The following IRF8 variants were observed in gnomAD, a reference collection of about 807,000 sequenced individuals.
The protein encoded by IRF8 is interferon consensus sequence binding protein 1.
In IRF8, 14 loss-of-function variants were observed where a neutral mutation model predicts 48.7. The observed-to-expected ratio is 0.29, with a 90% CI of 0.19 to 0.45. IRF8 has a LOEUF of 0.45. IRF8 is among the 20% of genes least tolerant of loss of function. IRF8 has a pLI of 1.00. For missense variants in IRF8, 493 were observed against 580.7 expected, an observed-to-expected ratio of 0.85 and a Z score of 1.55; for synonymous variants, 278 against 227.3, an observed-to-expected ratio of 1.22 and a Z score of -2.01.
At chr16:85,906,582 G>A (rs563625351) in intron 2 of IRF8, among the ~76,000 whole-genome samples, 59 of 152,362 alleles carry the variant, frequency 3.9e-4, no homozygotes, top group African/African-American at 1.4e-3. Context: ...GGACTTGCTC[G>A]TGGGGTGAGT....
intron 1 of IRF8, chr16:85,902,648 T>C (rs1396097297): frequency 3.1e-6 from 1 of 325,264 alleles, no homozygotes; most frequent in African/African-American, 2.1e-5. Flanking sequence ...GCTGTAAAAG[T>C]GATTCCCCCT....
Position 85,916,129 on chromosome 16 carries a change from T to G in IRF8, c.601+1609T>G, listed in dbSNP as rs114550488. 4.6e-3 allele frequency among the ~76,000 whole-genome samples: 696 copies of G among 151,756 alleles called. 4 individuals are homozygous for G. The highest frequency in any genetic ancestry group is 0.016 in the African/African-American group (661 of 41,312). On this transcript the variant is annotated intron_variant, in intron 6 of 8. Coordinates refer to ENST00000268638, the MANE Select transcript of IRF8 (RefSeq NM_002163.4). ...ATAAGCATTTGTCCTGTTACCCAGTTTCTTTAACTGGTGCTTACCTGTGCC... is the reference window on the plus strand; with the variant it reads ...ATAAGCATTTGTCCTGTTACCCAGTGTCTTTAACTGGTGCTTACCTGTGCC...
At chr16:85,914,407 A>T in intron 5 of IRF8, 66 bp from the exon 6 acceptor site, 1 of 1,594,020 alleles carries the variant, frequency 6.3e-7, no homozygotes. Flanking sequence ...AGAAGGAGCG[A>T]TTGGGGTTAC....
rs748716740 is a variant in IRF8 at position 85,911,608 on chromosome 16, G to A, written c.397G>A (p.Val133Ile). The A allele has an allele frequency of 2.5e-6, 4 of 1,614,164 alleles. No homozygotes were observed. The highest frequency in any genetic ancestry group is 3.4e-6 in the Non-Finnish European group (4 of 1,179,996). ...GVATAGCVNE[V>I]TEMECGRSEI... ...GGCAACTGCTGGCTGCGTGAATGAA[G>A]TTACAGAGATGGAGTGCGGTCGCTC... Residue 133 changes from valine (V) to isoleucine (I), a missense_variant, in exon 4 of 9, where the codon GTT becomes ATT. By Grantham distance (29) the Val-to-Ile change is conservative (BLOSUM62 3). This residue lies in a region of IRF8 where 408 missense variants were observed against 449.6 expected (regional missense o/e 0.91). Coordinates refer to ENST00000268638, the MANE Select transcript of IRF8 (RefSeq NM_002163.4).
rs1905567300 is a variant in IRF8 at position 85,921,461 on chromosome 16, GC to G, written c.*182del. 1 of 695,598 alleles carries G rather than the reference GC, an allele frequency of 1.4e-6. No individual in the cohort carries two copies. Among genetic ancestry groups the G allele is most frequent in the Admixed American group, 2.2e-5 (1 of 44,554 alleles). The allele number at this position is 695,598 out of a possible 1,614,324, so 43.1% of individuals were successfully genotyped here. On this transcript the variant is annotated 3_prime_UTR_variant, in exon 9 of 9. Coordinates refer to ENST00000268638, the MANE Select transcript of IRF8 (RefSeq NM_002163.4). ...ACGTTTAATACGAAGTGGCGGCATA[GC>G]CCTGCCGAGATGTCGGTGATGGCCT...
intron 2 of IRF8, among the ~76,000 whole-genome samples, chr16:85,906,934 G>T (rs897408975): frequency 6.6e-6 from 1 of 152,158 alleles, no homozygotes; most frequent in African/African-American, 2.4e-5. Context: ...TTGCCACGGT[G>T]GGGAAACCCT....
At position 85,918,583 on chromosome 16, in the gene IRF8, C is replaced by T. The variant is rs764103061; in HGVS notation, c.768C>T (p.Asp256=). The part of the protein sequence containing the change: ...GLELVRFPPA[D]AIPSERQRQV... ...AGCTGGTGCGCTTCCCGCCGGCCGA[C>T]GCCATCCCCAGCGAGCGACAGAGGC... is the stretch of plus-strand genomic sequence containing the variant. Residue 256 remains aspartate (D), a synonymous_variant, in exon 7 of 9, where the codon GAC becomes GAT. Transcript: ENST00000268638. 7.5e-6 allele frequency: 12 copies of T among 1,605,984 alleles called. No individual in the cohort carries two copies. The highest frequency in any genetic ancestry group is 6.7e-5 in the East Asian group (3 of 44,882).
rs780856170 is a variant in IRF8, at chr16:85,911,592, T to A, written c.381T>A (p.Ala127=). The A allele has an allele frequency of 9.3e-6, 15 of 1,614,020 alleles. No individual in the cohort carries two copies. Among genetic ancestry groups the A allele is most frequent in the Non-Finnish European group, 1.3e-5 (15 of 1,179,980 alleles). Residue 127 remains alanine, a synonymous_variant, in exon 4 of 9, where the codon GCT becomes GCA. Coordinates refer to ENST00000268638, the MANE Select transcript of IRF8 (RefSeq NM_002163.4). ...EQKCKLGVAT[A]GCVNEVTEME... ...TAGGCAAACTAGGCGTGGCAACTGC[T>A]GGCTGCGTGAATGAAGTTACAGAGA...
At position 85,909,445 on chromosome 16, in the gene IRF8, C is replaced by G. The variant is rs1905085566; in HGVS notation, c.358+272C>G. 2.3e-5 allele frequency: 11 copies of G among 476,114 alleles called. No individual in the cohort carries two copies. The South Asian group carries it at 2.4e-4, about 10-fold the overall frequency. The allele number at this position is 476,114 out of a possible 1,614,324, so 29.5% of individuals were successfully genotyped here. A position where few individuals can be genotyped will look rare whatever the true frequency, so the allele number is the denominator to read the frequency against. ...GCCTCCCTGGACAGGAACAAGCATC[C>G]TCCAGCAGTTTCTGATGAGGAATCC... On this transcript the variant is annotated intron_variant, in intron 3 of 8. Coordinates refer to ENST00000268638, the MANE Select transcript of IRF8 (RefSeq NM_002163.4).
intron 4 of IRF8, among the ~76,000 whole-genome samples, chr16:85,912,546 A>AT (rs1442659827): frequency 6.6e-6 from 1 of 152,252 alleles, no homozygotes; most frequent in African/African-American, 2.4e-5. Flanking sequence ...GACTGAGTGA[A>AT]TTCTTGGCTT....
rs371942842 is a variant in IRF8 at position 85,909,147 on chromosome 16, G to A, written c.332G>A (p.Arg111Gln). The A allele has an allele frequency of 5.0e-6, 8 of 1,614,082 alleles. No individual in the cohort carries two copies. The highest frequency in any genetic ancestry group is 6.8e-6 in the Non-Finnish European group (8 of 1,180,044). Residue 111 changes from arginine to glutamine, a missense_variant, in exon 3 of 9, where the codon CGA becomes CAA. Transcript: ENST00000268638. ...LDISEPYKVY[R>Q]IVPEEEQKCK... is the part of the protein sequence containing the mutation. ...ATTTCCGAGCCATACAAAGTTTACCGAATTGTTCCTGAGGAAGAGCAAAAA... is the reference window on the plus strand; with the variant it reads ...ATTTCCGAGCCATACAAAGTTTACCAAATTGTTCCTGAGGAAGAGCAAAAA...
At chr16:85,917,959 A>G (rs1182783222) in intron 6 of IRF8, among the ~76,000 whole-genome samples, 1 of 152,170 alleles carries the variant, frequency 6.6e-6, no homozygotes, top group Non-Finnish European at 1.5e-5. Flanking sequence ...GAAAAAGATT[A>G]TGTCTTTATT....
intron 2 of IRF8, among the ~76,000 whole-genome samples, chr16:85,906,713 T>A (rs1344486972): frequency 6.6e-6 from 1 of 152,242 alleles, no homozygotes; most frequent in Non-Finnish European, 1.5e-5. Flanking sequence ...GTTTGGGATG[T>A]GGGTTAACTC....
intron 4 of IRF8, among the ~76,000 whole-genome samples, chr16:85,912,512 G>A (rs1905175025): frequency 6.6e-6 from 1 of 152,236 alleles, no homozygotes; most frequent in African/African-American, 2.4e-5. Context: ...CAGCTGCCAA[G>A]TGTCTGGGTG....
chr16:85,908,972 T>C lies in IRF8; in HGVS notation c.175-18T>C, dbSNP rs750150305. The C allele has an allele frequency of 6.2e-7, 1 of 1,611,384 alleles. No individual in the cohort carries two copies. Among genetic ancestry groups the C allele is most frequent in the Non-Finnish European group, 8.5e-7 (1 of 1,177,504 alleles). On this transcript the variant is annotated intron_variant, in intron 2 of 8. Coordinates refer to ENST00000268638, the MANE Select transcript of IRF8 (RefSeq NM_002163.4). Reference sequence around the variant, plus strand: ...GGAGTCGGCCATGAATTTAATGTGCTTCTGTTTCTTTCTTCAGGCCTGGGC... The same window carrying C: ...GGAGTCGGCCATGAATTTAATGTGCCTCTGTTTCTTTCTTCAGGCCTGGGC...
intron 6 of IRF8, among the ~76,000 whole-genome samples, chr16:85,915,798 C>G (rs953813377): frequency 2.0e-5 from 3 of 152,194 alleles, no homozygotes; most frequent in African/African-American, 7.2e-5. Context: ...TGAGCCATCT[C>G]GGTGAGATGC....
intron 1 of IRF8, chr16:85,901,301 A>T (rs1166461365): frequency 2.6e-5 from 4 of 152,236 alleles, no homozygotes; most frequent in African/African-American, 9.7e-5. Flanking sequence ...GGTTAGAGAA[A>T]AGCCTTTGCC....
In IRF8 at chr16:85,918,706, G is replaced by A; in HGVS notation, c.891G>A (p.Val297=). The change falls in exon 7 of 9, where the codon GTG becomes GTA. Residue 297 remains valine, a synonymous_variant. Coordinates refer to ENST00000268638, the MANE Select transcript of IRF8 (RefSeq NM_002163.4). ...TCAAGCGGCTGTGCCAGGGCCGCGT[G>A]TTCTGCAGCGGCAACGCCGTGGTGT... ...VFVKRLCQGR[V]FCSGNAVVCK... 1.2e-6 allele frequency: 2 copies of A among 1,612,478 alleles called. No homozygotes were observed. Among genetic ancestry groups the A allele is most frequent in the Non-Finnish European group, 1.7e-6 (2 of 1,180,002 alleles).
At chr16:85,907,274 A>G (rs1411581283) in intron 2 of IRF8, among the ~76,000 whole-genome samples, 1 of 152,218 alleles carries the variant, frequency 6.6e-6, no homozygotes, top group East Asian at 1.9e-4. Context: ...TTTTGAGAGG[A>G]AAAACAGTCT....
Sources: gnomAD v4.1 joint callset for allele counts (sites outside exome capture counted in the v4.1 genomes callset) on GRCh38, gnomAD v4.1.1 for gene constraint, gnomAD v4.1.1 regional missense constraint, MANE v1.5 for transcripts, NCBI Gene and HGNC (gene_info 2026-07-23, HGNC 2026-07-21) for gene names.